Variants in PPP2R2C observed in about 807,000 individuals in gnomAD.
PPP2R2C encodes protein phosphatase 2 regulatory subunit Bgamma.
Under a neutral mutation model 45.3 loss-of-function variants are expected in PPP2R2C, and 10 were observed. That is an observed-to-expected ratio of 0.22 (90% confidence interval 0.14 to 0.37). PPP2R2C has a LOEUF of 0.37. PPP2R2C is among the 10% of genes least tolerant of loss of function. PPP2R2C has a pLI of 1.00. For missense variants in PPP2R2C, 308 were observed against 619.7 expected, an observed-to-expected ratio of 0.50 and a Z score of 5.34; for synonymous variants, 257 against 245.4, an observed-to-expected ratio of 1.05 and a Z score of -0.44.
At chr4:6,359,316 C>T (rs1288912563) in intron 5 of PPP2R2C, among the ~76,000 whole-genome samples, 2 of 151,980 alleles carry the variant, frequency 1.3e-5, no homozygotes, top group Non-Finnish European at 2.9e-5. Flanking sequence ...GGACACAGGG[C>T]GGGGAACATC....
At chr4:6,483,486 T>C (rs1289837940) in intron 2 of PPP2R2C, among the ~76,000 whole-genome samples, 1 of 152,164 alleles carries the variant, frequency 6.6e-6, no homozygotes, top group Non-Finnish European at 1.5e-5. Flanking sequence ...TATGTAATAG[T>C]AGTATCTCAT....
rs921840618 is a variant in PPP2R2C at position 6,378,727 on chromosome 4, C to T, written c.169-155G>A. On this transcript the variant is annotated intron_variant, in intron 2 of 8. Transcript: ENST00000382599. The surrounding 1 kb of genome is among the most constrained non-coding windows in gnomAD (Gnocchi z 5.2). ...CAAATGAAACTCTCTGCAGCTTAAC[C>T]GGCCCATGACTTGCAGTGTGCCAGG... Among the ~76,000 whole-genome samples, 11 of 152,090 alleles carry T rather than the reference C, an allele frequency of 7.2e-5. No homozygotes were observed. The highest frequency in any genetic ancestry group is 2.4e-4 in the African/African-American group (10 of 41,414).
At chr4:6,530,061 A>G (rs1369237056) in intron 2 of PPP2R2C, among the ~76,000 whole-genome samples, 1 of 152,064 alleles carries the variant, frequency 6.6e-6, no homozygotes, top group Non-Finnish European at 1.5e-5. Context: ...CACAAACCAC[A>G]AGGCACCACG....
intron 6 of PPP2R2C, among the ~76,000 whole-genome samples, chr4:6,339,594 C>T (rs1440291843): frequency 6.6e-6 from 1 of 152,182 alleles, no homozygotes; most frequent in East Asian, 1.9e-4. Context: ...GGGGTGGAGG[C>T]CGATTGGGTT....
chr4:6,556,152 G>A (rs1349768452), intron 1 of PPP2R2C, among the ~76,000 whole-genome samples: 1 of 152,114 alleles, frequency 6.6e-6, no homozygotes, highest in African/African-American at 2.4e-5. Context: ...ACGGGGCCAC[G>A]GGATGCCCAG....
intron 2 of PPP2R2C, among the ~76,000 whole-genome samples, chr4:6,527,613 C>T (rs1724258613): frequency 6.6e-6 from 1 of 151,736 alleles, no homozygotes; most frequent in Non-Finnish European, 1.5e-5. Context: ...CTCCAGGCAC[C>T]ACCCCAGCTT....
chr4:6,437,904 AG>A (rs1719969833), intron 1 of PPP2R2C, among the ~76,000 whole-genome samples: 1 of 152,190 alleles, frequency 6.6e-6, no homozygotes, highest in South Asian at 2.1e-4. Flanking sequence ...AACCAACTAC[AG>A]GCCTTAGAAG....
intron 1 of PPP2R2C, among the ~76,000 whole-genome samples, chr4:6,558,612 C>T (rs1725487504): frequency 1.3e-5 from 2 of 152,168 alleles, no homozygotes; most frequent in African/African-American, 4.8e-5. Flanking sequence ...ATTCTTGCCG[C>T]AGAAAGATTC....
chr4:6,440,027 C>G (rs945755523), intron 1 of PPP2R2C, among the ~76,000 whole-genome samples: 9 of 152,202 alleles, frequency 5.9e-5, no homozygotes, highest in African/African-American at 2.2e-4. Context: ...CCTGACACCT[C>G]CACCGTTCCC....
intron 2 of PPP2R2C, among the ~76,000 whole-genome samples, chr4:6,520,671 T>G (rs1052157722): frequency 4.6e-5 from 7 of 152,162 alleles, no homozygotes; most frequent in African/African-American, 1.7e-4. Flanking sequence ...ACCTCCACTT[T>G]GGAGACAGGA....
intron 1 of PPP2R2C, among the ~76,000 whole-genome samples, chr4:6,388,641 C>T (rs565161740): frequency 1.3e-5 from 2 of 152,186 alleles, no homozygotes; most frequent in Admixed American, 1.3e-4. Context: ...GTGGCTCACA[C>T]CTGTAATCCC....
At chr4:6,534,788 G>GC (rs1338679947) in intron 2 of PPP2R2C, among the ~76,000 whole-genome samples, 1 of 152,134 alleles carries the variant, frequency 6.6e-6, no homozygotes, top group African/African-American at 2.4e-5. Flanking sequence ...CATGGCACTC[G>GC]CCCCCAGTCG....
chr4:6,378,311 A>T lies in PPP2R2C; in HGVS notation c.334+96T>A. The T allele has an allele frequency of 6.3e-7, 1 of 1,578,748 alleles. No homozygotes were observed. Among genetic ancestry groups the T allele is most frequent in the Non-Finnish European group, 8.6e-7 (1 of 1,165,770 alleles). On this transcript the variant is annotated intron_variant, in intron 3 of 8. Coordinates refer to ENST00000382599, the MANE Select transcript of PPP2R2C (RefSeq NM_020416.4). The surrounding 1 kb of genome is among the most constrained non-coding windows in gnomAD (Gnocchi z 5.2). ...TATTTTCTAGGCGTTCTGAAGACAT[A>T]GAAAAATGCTCACAATATAAGTGAA...
chr4:6,561,276 C>G (rs1168380607), intron 1 of PPP2R2C, among the ~76,000 whole-genome samples: 2 of 152,200 alleles, frequency 1.3e-5, no homozygotes, highest in Admixed American at 6.5e-5. Context: ...CTGCACTCAC[C>G]CTGCAAGCAT....
intron 4 of PPP2R2C, among the ~76,000 whole-genome samples, 191 bp downstream of exon 4, chr4:6,375,628 G>A (rs1022991046): frequency 1.3e-5 from 2 of 152,216 alleles, no homozygotes; most frequent in Non-Finnish European, 2.9e-5. Flanking sequence ...TAGAAGAAAC[G>A]TGGTCATCTG....
chr4:6,395,920 G>A (rs1330822051), intron 1 of PPP2R2C, among the ~76,000 whole-genome samples: 1 of 152,132 alleles, frequency 6.6e-6, no homozygotes, highest in Non-Finnish European at 1.5e-5. Context: ...TAAGGCTTAT[G>A]GGCCCCCTGC....
At chr4:6,380,903 T>A (rs1715730463) in intron 2 of PPP2R2C, 94 bp downstream of exon 2, 1 of 1,430,108 alleles carries the variant, frequency 7.0e-7, no homozygotes, top group South Asian at 1.5e-5. Context: ...TCACCCCTTA[T>A]CCCCCTTATC....
chr4:6,406,287 T>C (rs7664616), intron 1 of PPP2R2C, among the ~76,000 whole-genome samples: 2,679 of 152,284 alleles, frequency 0.018, 82 homozygotes, highest in African/African-American at 0.061. Context: ...GCACCTTCCA[T>C]GGGGAAGTTG....
At chr4:6,490,553 C>T (rs1722669114) in intron 2 of PPP2R2C, among the ~76,000 whole-genome samples, 1 of 152,156 alleles carries the variant, frequency 6.6e-6, no homozygotes, top group Non-Finnish European at 1.5e-5. Flanking sequence ...AAGCCACAGT[C>T]CTGAGAAACA....
Sources: allele counts gnomAD v4.1 joint callset (sites outside exome capture counted in the v4.1 genomes callset), GRCh38; gene constraint gnomAD v4.1.1; non-coding constraint Gnocchi (gnomAD v3.1); transcripts MANE v1.5; gene names NCBI Gene and HGNC (gene_info 2026-07-23, HGNC 2026-07-21).